The following MOB1B variants were observed in gnomAD, a reference collection of about 807,000 sequenced individuals.
MOB1B encodes the protein MOB1 Mps One Binder homolog B.
Under a neutral mutation model 24.4 loss-of-function variants are expected in MOB1B, and 19 were observed. That is an observed-to-expected ratio of 0.78 (90% CI 0.54 to 1.14). MOB1B has a LOEUF of 1.14. MOB1B is among the 50% of genes most tolerant of loss of function. The pLI is 0.00. For synonymous variants in MOB1B, 76 were observed against 82.1 expected (o/e 0.93, Z 0.40); for missense variants, 243 against 259.6 (o/e 0.94, Z 0.44).
chr4:70,960,192 A>AT (rs1477952796), intron 2 of MOB1B, among the ~76,000 whole-genome samples: 1 of 152,054 alleles, frequency 6.6e-6, no homozygotes, highest in Non-Finnish European at 1.5e-5. Flanking sequence ...AGTTGTGCTT[A>AT]TTTTTTAAAA....
chr4:70,982,003 A>G lies in MOB1B; in HGVS notation c.597A>G (p.Arg199=), dbSNP rs1420766978. 3 of 1,611,684 alleles carry G rather than the reference A, an allele frequency of 1.9e-6. No individual in the cohort carries two copies. The highest frequency in any genetic ancestry group is 2.2e-5 in the East Asian group (1 of 44,846). ...FVQEFNLIDR[R]ELAPLQELIE... ...AGGAATTCAACCTTATTGATAGAAGAGAACTTGCACCACTCCAAGAACTGA... is the reference window on the plus strand; with the variant it reads ...AGGAATTCAACCTTATTGATAGAAGGGAACTTGCACCACTCCAAGAACTGA... The change falls in exon 6 of 6, where the codon AGA becomes AGG. Residue 199 remains arginine (R), a synonymous_variant. Transcript: ENST00000309395.
rs534899720 is a variant in MOB1B, at chr4:70,918,701, T to A, written c.14+16151T>A. ...GCAGAAGCTCTTTAGTTTAATTAGA[T>A]CCCATTTGTCAATTTTGTCTTTTGT... On this transcript the variant is annotated intron_variant, in intron 1 of 5. Transcript: ENST00000309395. 3.3e-4 allele frequency among the ~76,000 whole-genome samples: 51 copies of A among 152,274 alleles called. No individual in the cohort carries two copies. The East Asian group carries it at 6.2e-3, about 18-fold the overall frequency.
At chr4:70,918,230 G>C (rs1320460457) in intron 1 of MOB1B, among the ~76,000 whole-genome samples, 1 of 152,038 alleles carries the variant, frequency 6.6e-6, no homozygotes, top group African/African-American at 2.4e-5. Flanking sequence ...GGGTCAAATG[G>C]TATTTCTAGT....
intron 1 of MOB1B, among the ~76,000 whole-genome samples, chr4:70,912,962 G>T (rs1736054460): frequency 6.6e-6 from 1 of 152,098 alleles, no homozygotes. Flanking sequence ...TCACCGTATT[G>T]CCCAGGCAGG....
At chr4:70,928,397 G>A (rs1736739591) in intron 1 of MOB1B, among the ~76,000 whole-genome samples, 1 of 151,360 alleles carries the variant, frequency 6.6e-6, no homozygotes, top group Non-Finnish European at 1.5e-5. Flanking sequence ...CCGGGTTCAA[G>A]CGATTCTCCT....
chr4:70,974,067 C>T (rs1459280429), intron 3 of MOB1B, among the ~76,000 whole-genome samples: 2 of 152,026 alleles, frequency 1.3e-5, no homozygotes, highest in African/African-American at 4.8e-5. Context: ...ATACTAAATG[C>T]TAGTTCAGTT....
At chr4:70,945,293 A>G (rs1578376156) in intron 1 of MOB1B, among the ~76,000 whole-genome samples, 1 of 152,198 alleles carries the variant, frequency 6.6e-6, no homozygotes, top group African/African-American at 2.4e-5. Flanking sequence ...CAGAAGTTAG[A>G]AGTCAGAACA....
At chr4:70,904,725 C>CTCCAA (rs1735669152) in intron 1 of MOB1B, among the ~76,000 whole-genome samples, 1 of 149,176 alleles carries the variant, frequency 6.7e-6, no homozygotes, top group South Asian at 2.1e-4. Flanking sequence ...CGCCACTGCA[C>CTCCAA]TCCAGCCTGG....
At chr4:70,939,713 G>A (rs1345133192) in intron 1 of MOB1B, among the ~76,000 whole-genome samples, 1 of 152,234 alleles carries the variant, frequency 6.6e-6, no homozygotes. Flanking sequence ...GGAGTGTGCA[G>A]TGCTGAAGCC....
intron 1 of MOB1B, among the ~76,000 whole-genome samples, chr4:70,951,535 A>C (rs1560651555): frequency 6.6e-6 from 1 of 152,240 alleles, no homozygotes; most frequent in Non-Finnish European, 1.5e-5. Context: ...TTTGGAAAGC[A>C]GTAGAGTAAT....
chr4:70,920,538 G>A (rs530198276), intron 1 of MOB1B, among the ~76,000 whole-genome samples: 30 of 152,266 alleles, frequency 2.0e-4, no homozygotes, highest in Non-Finnish European at 3.7e-4. Flanking sequence ...TATTATTACA[G>A]CAATTAATTT....
chr4:70,908,270 C>T (rs1380559695), intron 1 of MOB1B, among the ~76,000 whole-genome samples: 1 of 149,784 alleles, frequency 6.7e-6, no homozygotes, highest in Non-Finnish European at 1.5e-5. Context: ...CCTCGTGATC[C>T]GCCTGCCTCG....
At chr4:70,952,431 C>T (rs1241748486) in intron 1 of MOB1B, among the ~76,000 whole-genome samples, 2 of 151,698 alleles carry the variant, frequency 1.3e-5, no homozygotes, top group African/African-American at 4.8e-5. Context: ...ATCACGAGGT[C>T]AGGAGATCGA....
In MOB1B at chr4:70,979,209, A is replaced by G; in HGVS notation, c.491A>G (p.His164Arg). 6.2e-7 allele frequency: 1 copy of G among 1,613,770 alleles called. No individual in the cohort carries two copies. The highest frequency in any genetic ancestry group is 8.5e-7 in the Non-Finnish European group (1 of 1,179,734). ...TTTAGGGTTTATGCTCACATTTATC[A>G]TCAGCATTTTGACCCTGTGATCCAG... Reference protein sequence around the residue: ...RLFRVYAHIYHQHFDPVIQLQ... With the variant: ...RLFRVYAHIYRQHFDPVIQLQ... Residue 164 changes from histidine to arginine, a missense_variant, in exon 5 of 6, where the codon CAT (histidine) becomes CGT (arginine). Physicochemically the swap from His to Arg is conservative, Grantham distance 29. Transcript: ENST00000309395.
At chr4:70,935,167 C>G (rs1057322816) in intron 1 of MOB1B, among the ~76,000 whole-genome samples, 1 of 152,026 alleles carries the variant, frequency 6.6e-6, no homozygotes. Flanking sequence ...TTGTATTAGT[C>G]TTGTTCAGCC....
intron 1 of MOB1B, among the ~76,000 whole-genome samples, chr4:70,912,912 T>C (rs1020693318): frequency 1.3e-5 from 2 of 152,170 alleles, no homozygotes; most frequent in South Asian, 2.1e-4. Flanking sequence ...AAGCATGTTC[T>C]ACCACACCCG....
At chr4:70,902,806 G>T (rs1735571277) in intron 1 of MOB1B, among the ~76,000 whole-genome samples, 1 of 152,208 alleles carries the variant, frequency 6.6e-6, no homozygotes, top group Non-Finnish European at 1.5e-5. Context: ...ACACCCCGGG[G>T]CCAGCGCCTG....
intron 2 of MOB1B, 90 bp from the exon 3 acceptor site, chr4:70,969,841 G>C: frequency 1.6e-6 from 1 of 606,824 alleles, no homozygotes; most frequent in East Asian, 3.0e-5. Context: ...GGGAACGAAC[G>C]CCAATAAGCC....
intron 1 of MOB1B, among the ~76,000 whole-genome samples, chr4:70,948,041 G>C (rs568721438): frequency 1.3e-5 from 2 of 152,280 alleles, no homozygotes; most frequent in African/African-American, 4.8e-5. Flanking sequence ...TCTTCTAGAA[G>C]TTTTATAGTA....
Sources: allele counts gnomAD v4.1 joint callset (sites outside exome capture counted in the v4.1 genomes callset), GRCh38; gene constraint gnomAD v4.1.1; transcripts MANE v1.5; gene names NCBI Gene and HGNC (gene_info 2026-07-23, HGNC 2026-07-21).